TEX11: variants seen among roughly 807,000 people sequenced by gnomAD.
TEX11 encodes the protein testis expressed 11, also known as testis-expressed protein 11.
Under a neutral mutation model 84.4 loss-of-function variants are expected in TEX11, and 7 were observed. The observed-to-expected ratio is 0.08, with a 90% CI of 0.05 to 0.16. The LOEUF (loss-of-function observed/expected upper bound fraction) is 0.16. Ranked by LOEUF, TEX11 falls within the 10% of genes least tolerant of loss-of-function variation. The pLI, the probability that TEX11 is intolerant of heterozygous loss-of-function variation, is 1.00. For synonymous variants in TEX11, 264 were observed against 222.8 expected (o/e 1.18, Z -1.64); for missense variants, 551 against 660.5 (o/e 0.83, Z 1.82).
intron 25 of TEX11, among the ~76,000 whole-genome samples, chrX:70,587,459 T>C (rs1409544553): frequency 8.9e-6 from 1 of 112,663 alleles, no homozygotes; most frequent in Non-Finnish European, 1.9e-5. Context: ...AGGCCATTGC[T>C]TCAAAGGGTG....
At chrX:70,780,197 C>T (rs941130837) in intron 9 of TEX11, among the ~76,000 whole-genome samples, 2 of 111,665 alleles carry the variant, frequency 1.8e-5, no homozygotes, top group African/African-American at 6.5e-5. Context: ...TCGCTTGAAC[C>T]TGGGAGGCAA....
intron 28 of TEX11, among the ~76,000 whole-genome samples, chrX:70,540,811 C>A (rs1047720574): frequency 6.3e-5 from 7 of 111,900 alleles, no homozygotes; most frequent in Non-Finnish European, 1.3e-4. Flanking sequence ...GTGTCCATCT[C>A]TATGAATTTG....
chrX:70,754,426 G>C (rs2090852501), intron 9 of TEX11, among the ~76,000 whole-genome samples: 1 of 111,601 alleles, frequency 9.0e-6, no homozygotes, highest in African/African-American at 3.3e-5. Flanking sequence ...CTCAGTCACA[G>C]TAAAATATAA....
chrX:70,681,415 T>C (rs781472114), intron 14 of TEX11, among the ~76,000 whole-genome samples: 1 of 112,695 alleles, frequency 8.9e-6, no homozygotes, highest in East Asian at 2.8e-4. Flanking sequence ...GTTTACTTTC[T>C]TTAAATAAAA....
chrX:70,608,631 C>T (rs747760425), intron 22 of TEX11, among the ~76,000 whole-genome samples: 4 of 108,208 alleles, frequency 3.7e-5, no homozygotes, highest in African/African-American at 6.8e-5. Flanking sequence ...GTCCCAGCTA[C>T]TAGGGAGGCT....
chrX:70,754,736 GGAGAGA>G (rs747585067), intron 9 of TEX11, among the ~76,000 whole-genome samples: 2 of 108,750 alleles, frequency 1.8e-5, no homozygotes, highest in African/African-American at 6.7e-5. Context: ...AGGTAGCTCA[GGAGAGA>G]GAGAGAGAGA....
intron 9 of TEX11, among the ~76,000 whole-genome samples, chrX:70,780,131 A>G (rs1373684008): frequency 9.1e-6 from 1 of 110,263 alleles, no homozygotes; most frequent in African/African-American, 3.3e-5. Flanking sequence ...AAAACTAGCC[A>G]GGCATGGCTA....
Position 70,605,515 on chromosome X carries a change from C to A in TEX11, c.1953G>T (p.Met651Ile). The A allele has an allele frequency of 8.5e-7, 1 of 1,169,778 alleles. No individual in the cohort carries two copies. The highest frequency in any genetic ancestry group is 1.8e-5 in the African/African-American group (1 of 56,910). ...CTTGATCAGAAGGACAAAACTGGGA[C>A]ATCTGATAAGAAGTAACCAGAACAT... ...MREFFILSYK[M>I]SQFCPSDQVI... Residue 651 changes from methionine to isoleucine, a missense_variant and splice_region_variant, in exon 24 of 30, where the codon ATG becomes ATT. Physicochemically the swap from Met to Ile is conservative, Grantham distance 10. Transcript: ENST00000374333.
chrX:70,556,410 A>G (rs1384803503), intron 25 of TEX11, among the ~76,000 whole-genome samples: 2 of 111,714 alleles, frequency 1.8e-5, no homozygotes, highest in Non-Finnish European at 3.8e-5. Flanking sequence ...TTAATTTCCA[A>G]ATATTGGAAG....
intron 8 of TEX11, among the ~76,000 whole-genome samples, chrX:70,816,829 A>G (rs757437746): frequency 2.7e-5 from 3 of 111,394 alleles, no homozygotes; most frequent in African/African-American, 9.8e-5. Context: ...AGGGAGTCAG[A>G]GTAGAAGGAA....
chrX:70,827,062 C>A (rs911605731), intron 8 of TEX11, among the ~76,000 whole-genome samples: 3 of 111,145 alleles, frequency 2.7e-5, no homozygotes, highest in Non-Finnish European at 5.7e-5. Flanking sequence ...TGTCTAGCAT[C>A]TTGGATACCA....
intron 24 of TEX11, among the ~76,000 whole-genome samples, chrX:70,603,555 A>C (rs1280901695): frequency 1.8e-5 from 2 of 108,313 alleles, no homozygotes; most frequent in African/African-American, 6.7e-5. Context: ...AATCAATTCA[A>C]GATGGATTAA....
At chrX:70,811,522 A>G in intron 8 of TEX11, among the ~76,000 whole-genome samples, 1 of 111,878 alleles carries the variant, frequency 8.9e-6, no homozygotes. Context: ...ATGATTTATA[A>G]TCTTTTGGGT....
chrX:70,805,740 T>C (rs1237644537), intron 9 of TEX11, among the ~76,000 whole-genome samples: 1 of 112,264 alleles, frequency 8.9e-6, no homozygotes, highest in African/African-American at 3.2e-5. Flanking sequence ...CTGCACCTTA[T>C]GTGACATCTC....
At chrX:70,781,078 G>T (rs1483622946) in intron 9 of TEX11, among the ~76,000 whole-genome samples, 1 of 111,571 alleles carries the variant, frequency 9.0e-6, no homozygotes, top group Admixed American at 9.5e-5. Context: ...ACCTCATATA[G>T]GCAGATGCCC....
At chrX:70,584,045 C>T (rs927489825) in intron 25 of TEX11, among the ~76,000 whole-genome samples, 4 of 108,365 alleles carry the variant, frequency 3.7e-5, no homozygotes, top group South Asian at 4.1e-4. Flanking sequence ...TTTGGGAGGC[C>T]GAGGCGGGTG....
At chrX:70,679,307 C>T (rs1426182627) in intron 14 of TEX11, among the ~76,000 whole-genome samples, 3 of 109,200 alleles carry the variant, frequency 2.7e-5, no homozygotes, top group Non-Finnish European at 3.8e-5. Flanking sequence ...ACCTCCCAGC[C>T]GCCTGCCTTG....
intron 28 of TEX11, among the ~76,000 whole-genome samples, chrX:70,537,297 A>G (rs1297310119): frequency 1.8e-5 from 2 of 111,437 alleles, no homozygotes; most frequent in Non-Finnish European, 3.8e-5. Context: ...AAAAGTTGAC[A>G]AGAATAAAAG....
At chrX:70,600,289 C>CA (rs1569349499) in intron 24 of TEX11, among the ~76,000 whole-genome samples, 3 of 111,569 alleles carry the variant, frequency 2.7e-5, no homozygotes, top group African/African-American at 9.8e-5. Flanking sequence ...AACATTTTTT[C>CA]GTGTGTTTTT....
Sources: allele counts gnomAD v4.1 joint callset (sites outside exome capture counted in the v4.1 genomes callset), GRCh38; gene constraint gnomAD v4.1.1; transcripts MANE v1.5; gene names NCBI Gene and HGNC (gene_info 2026-07-23, HGNC 2026-07-21).